The following NAV2 variants were observed in gnomAD, a reference collection of about 807,000 sequenced individuals.
The protein encoded by NAV2 is neuron navigator 2.
In NAV2, 54 loss-of-function variants were observed where a neutral mutation model predicts 223.2. The observed-to-expected ratio is 0.24, with a 90% CI of 0.19 to 0.30. The LOEUF (loss-of-function observed/expected upper bound fraction) is 0.30. NAV2 is among the 10% of genes least tolerant of loss of function. NAV2 has a pLI of 1.00. For synonymous variants in NAV2, 1,279 were observed against 1,239.3 expected (o/e 1.03, Z -0.67); for missense variants, 2,806 against 3,147.5 (o/e 0.89, Z 2.60).
At position 19,417,902 on chromosome 11, in the gene NAV2, T is replaced by C. The variant is rs117330391; in HGVS notation, c.75+66875T>C. On this transcript the variant is annotated intron_variant, in intron 1 of 37. Coordinates refer to the NAV2 transcript ENST00000360655. The stretch of plus-strand genomic sequence containing the variant: ...ACCAAACACCACATGTTCTCACTTA[T>C]AGTGGGAGTCGAAAAACGAGAACAC... Among the ~76,000 whole-genome samples the C allele has an allele frequency of 6.1e-3, 933 of 152,112 alleles. 4 individuals are homozygous for C. Among genetic ancestry groups the C allele is most frequent in the Non-Finnish European group, 1.0e-2 (677 of 67,998 alleles).
chr11:19,879,606 T>C (rs191577456), intron 4 of NAV2, among the ~76,000 whole-genome samples: 181 of 152,284 alleles, frequency 1.2e-3, no homozygotes, highest in South Asian at 0.011. Flanking sequence ...TGCTTTTTCA[T>C]TGGTGTCCTT....
upstream of NAV2, among the ~76,000 whole-genome samples, chr11:19,346,300 G>T (rs781403988): frequency 6.6e-6 from 1 of 152,234 alleles, no homozygotes; most frequent in Non-Finnish European, 1.5e-5. Flanking sequence ...TCTTTGCTGT[G>T]CCTGTCTGTC....
At chr11:19,634,733 T>A (rs1446186413) in intron 1 of NAV2, among the ~76,000 whole-genome samples, 1 of 152,020 alleles carries the variant, frequency 6.6e-6, no homozygotes, top group African/African-American at 2.4e-5. Flanking sequence ...ATTTCACAGG[T>A]TAGGTACATT....
chr11:19,450,502 G>A (rs12289842), intron 1 of NAV2, among the ~76,000 whole-genome samples: 52,047 of 152,070 alleles, frequency 0.34, 9,248 homozygotes, highest in Middle Eastern at 0.41. Flanking sequence ...CCTGTAGCAT[G>A]AATGGCAAAA....
intron 11 of NAV2, among the ~76,000 whole-genome samples, chr11:19,995,573 A>C (rs1291638047): frequency 6.6e-6 from 1 of 152,142 alleles, no homozygotes; most frequent in Non-Finnish European, 1.5e-5. Context: ...TGCTGATGGC[A>C]GGTAAAGAAG....
At chr11:19,536,371 A>T (rs563218870) in intron 1 of NAV2, among the ~76,000 whole-genome samples, 3 of 152,158 alleles carry the variant, frequency 2.0e-5, no homozygotes, top group African/African-American at 7.2e-5. Flanking sequence ...ACACCACTGT[A>T]CTTTTTTCTA....
chr11:19,870,119 C>A (rs1307676823), intron 4 of NAV2, among the ~76,000 whole-genome samples: 1 of 152,188 alleles, frequency 6.6e-6, no homozygotes, highest in Non-Finnish European at 1.5e-5. Flanking sequence ...CACGGCCACA[C>A]TGCTTCCAGA....
At chr11:19,965,872 C>T (rs1038149641) in intron 10 of NAV2, among the ~76,000 whole-genome samples, 34 of 152,192 alleles carry the variant, frequency 2.2e-4, no homozygotes, top group African/African-American at 8.0e-4. Flanking sequence ...TGGAAAACAG[C>T]AGGGCTGGCA....
chr11:20,057,768 C>G (rs969463586), intron 19 of NAV2, among the ~76,000 whole-genome samples: 5 of 152,214 alleles, frequency 3.3e-5, no homozygotes, highest in African/African-American at 1.2e-4. Flanking sequence ...TCATAAAGGT[C>G]CAGGACCATT....
chr11:19,618,182 A>T (rs73422445), intron 1 of NAV2, among the ~76,000 whole-genome samples: 1,753 of 152,340 alleles, frequency 0.012, 36 homozygotes, highest in African/African-American at 0.04. Flanking sequence ...CCTCAAACAT[A>T]GTAGGTCCTT....
intron 1 of NAV2, among the ~76,000 whole-genome samples, chr11:19,789,210 T>C (rs2057355217): frequency 6.6e-6 from 1 of 152,234 alleles, no homozygotes; most frequent in African/African-American, 2.4e-5. Flanking sequence ...TTTTCTTCTT[T>C]AGCTTCTCAG....
At chr11:19,957,365 C>G (rs2047963336) in intron 10 of NAV2, among the ~76,000 whole-genome samples, 4 of 152,200 alleles carry the variant, frequency 2.6e-5, no homozygotes, top group Non-Finnish European at 5.9e-5. Flanking sequence ...GTACAATGGT[C>G]TCTTTTCCTA....
intron 12 of NAV2, among the ~76,000 whole-genome samples, chr11:20,043,627 A>C (rs1218754626): frequency 6.6e-6 from 1 of 152,062 alleles, no homozygotes; most frequent in Admixed American, 6.5e-5. Flanking sequence ...TTTTTTGTAG[A>C]GATGGGGTTT....
chr11:19,775,585 G>A (rs2056091965), intron 1 of NAV2, among the ~76,000 whole-genome samples: 1 of 152,206 alleles, frequency 6.6e-6, no homozygotes, highest in Admixed American at 6.5e-5. Flanking sequence ...AGTCTAGTGG[G>A]ACAAGGCAGA....
At chr11:19,890,753 A>T (rs1169736462) in intron 5 of NAV2, among the ~76,000 whole-genome samples, 1 of 152,224 alleles carries the variant, frequency 6.6e-6, no homozygotes, top group Non-Finnish European at 1.5e-5. Context: ...CAGAACCAAG[A>T]GGTACTAAGA....
At chr11:20,074,953 G>T (rs936366434) in intron 22 of NAV2, among the ~76,000 whole-genome samples, 1 of 151,956 alleles carries the variant, frequency 6.6e-6, no homozygotes, top group African/African-American at 2.4e-5. Context: ...AGGAATGCCC[G>T]TAAGTGGAGT....
intron 1 of NAV2, among the ~76,000 whole-genome samples, chr11:19,475,238 T>A (rs1455745583): frequency 6.6e-6 from 1 of 152,244 alleles, no homozygotes; most frequent in Non-Finnish European, 1.5e-5. Flanking sequence ...GCATGTTTTG[T>A]GTTACGTCAA....
intron 1 of NAV2, among the ~76,000 whole-genome samples, chr11:19,368,327 G>C (rs1298487267): frequency 6.6e-6 from 1 of 152,102 alleles, no homozygotes; most frequent in Non-Finnish European, 1.5e-5. Context: ...GTTTGCTTTT[G>C]GGTAGAAACA....
At chr11:20,015,785 T>C (rs914565304) in intron 11 of NAV2, among the ~76,000 whole-genome samples, 1 of 152,160 alleles carries the variant, frequency 6.6e-6, no homozygotes, top group South Asian at 2.1e-4. Context: ...GTGTGGAATT[T>C]GGTAAATGAC....
Sources: allele counts gnomAD v4.1 joint callset (sites outside exome capture counted in the v4.1 genomes callset), GRCh38; gene constraint gnomAD v4.1.1; transcripts MANE v1.5; gene names NCBI Gene and HGNC (gene_info 2026-07-23, HGNC 2026-07-21).